The following ADGRE1 variants were observed in gnomAD, a reference collection of about 807,000 sequenced individuals.
The protein encoded by ADGRE1 is EGF-like module receptor 1.
In ADGRE1, 82 loss-of-function variants were observed where a neutral mutation model predicts 102.7. The ratio of observed to expected loss-of-function variants is 0.80; its 90% CI spans 0.67 to 0.96. The LOEUF (loss-of-function observed/expected upper bound fraction) is 0.96. ADGRE1 is among the 40% of genes least tolerant of loss of function. The probability of loss-of-function intolerance (pLI) is 0.00; values close to 1 mark genes in which losing one functional copy is unlikely to be tolerated. For synonymous variants in ADGRE1, 398 were observed against 399.6 expected (o/e 1.00, Z 0.05); for missense variants, 1,032 against 1,085.3 (o/e 0.95, Z 0.69).
chr19:6,892,698 A>G (rs1293869096), intron 2 of ADGRE1, among the ~76,000 whole-genome samples: 4 of 152,236 alleles, frequency 2.6e-5, no homozygotes, highest in Non-Finnish European at 4.4e-5. Flanking sequence ...TAGTCAAGAT[A>G]TGGAATCCAC....
intron 5 of ADGRE1, chr19:6,898,585 A>G (rs1973656878): frequency 2.7e-6 from 4 of 1,486,824 alleles, no homozygotes; most frequent in Non-Finnish European, 3.7e-6. Flanking sequence ...CTGCTTTGCA[A>G]ATATCAGTGA....
Position 6,940,385 on chromosome 19 carries a change from A to G in ADGRE1, c.*356A>G, listed in dbSNP as rs1003772316. 3.2e-6 allele frequency: 1 copy of G among 309,538 alleles called. No homozygotes were observed. Among genetic ancestry groups the G allele is most frequent in the Non-Finnish European group, 6.0e-6 (1 of 165,982 alleles). 19.2% of individuals were successfully genotyped at this position (309,538 alleles called of 1,614,324 possible). ...TTCTAAGCATGCCCCTCCAGAGCCTATCATACGCCTGATACAGAGAACCTC... is the reference window on the plus strand; with the variant it reads ...TTCTAAGCATGCCCCTCCAGAGCCTGTCATACGCCTGATACAGAGAACCTC... On this transcript the variant is annotated 3_prime_UTR_variant, in exon 21 of 21. Coordinates refer to ENST00000312053, the MANE Select transcript of ADGRE1 (RefSeq NM_001974.5).
intron 8 of ADGRE1, among the ~76,000 whole-genome samples, chr19:6,904,855 A>G (rs1330178892): frequency 6.6e-6 from 1 of 152,168 alleles, no homozygotes; most frequent in African/African-American, 2.4e-5. Context: ...TTATGCTCCA[A>G]GCAAACAACA....
intron 2 of ADGRE1, chr19:6,896,015 C>T (rs143112814): frequency 1.1e-3 from 179 of 162,070 alleles, no homozygotes; most frequent in African/African-American, 4.2e-3. Flanking sequence ...CTGTTCCATG[C>T]CTTTTTTTAA....
At position 6,921,784 on chromosome 19, in the gene ADGRE1, C is replaced by G; in HGVS notation, c.1692C>G (p.Ser564=). ...ATGTGAAGGGTGGAAGATGGACATC[C>G]TTTGGCTGTGTGATCCTGGAAGCTT... ...STDVKGGRWT[S]FGCVILEASE... The change falls in exon 14 of 21, where the codon TCC becomes TCG. Residue 564 remains serine, a synonymous_variant. Transcript: ENST00000312053. 1 of 1,614,068 alleles carries G rather than the reference C, an allele frequency of 6.2e-7. No individual in the cohort carries two copies. The highest frequency in any genetic ancestry group is 1.1e-5 in the South Asian group (1 of 91,086).
Position 6,919,560 on chromosome 19 carries a change from T to G in ADGRE1, c.1433T>G (p.Val478Gly). The G allele has an allele frequency of 6.2e-7, 1 of 1,612,420 alleles. No individual in the cohort carries two copies. Among genetic ancestry groups the G allele is most frequent in the Non-Finnish European group, 8.5e-7 (1 of 1,179,488 alleles). ...EESESTETTGVAFVSFVGMES... is the reference protein window; with the variant it reads ...EESESTETTGGAFVSFVGMES... Reference sequence around the variant, plus strand: ...GGGAAACCTGCAGAGACCACTGGTGTGGCTTTTGTCTCCTTTGTGGGCATG... The same window carrying G: ...GGGAAACCTGCAGAGACCACTGGTGGGGCTTTTGTCTCCTTTGTGGGCATG... Residue 478 changes from valine to glycine, a missense_variant, in exon 13 of 21, where the codon GTG becomes GGG. Coordinates refer to ENST00000312053, the MANE Select transcript of ADGRE1 (RefSeq NM_001974.5).
chr19:6,898,919 A>C (rs1266504236), intron 5 of ADGRE1, among the ~76,000 whole-genome samples: 1 of 152,020 alleles, frequency 6.6e-6, no homozygotes, highest in Non-Finnish European at 1.5e-5. Context: ...TTTTTACAAA[A>C]ATTTTTATCT....
intron 8 of ADGRE1, among the ~76,000 whole-genome samples, chr19:6,904,412 AT>A (rs1417403453): frequency 6.6e-6 from 1 of 152,082 alleles, no homozygotes; most frequent in African/African-American, 2.4e-5. Context: ...GGTCCTGAAT[AT>A]CATAGGCATG....
chr19:6,916,124 G>A (rs1974370476), intron 11 of ADGRE1, 125 bp from the exon 12 acceptor site: 3 of 1,054,636 alleles, frequency 2.8e-6, no homozygotes, highest in Non-Finnish European at 4.1e-6. Context: ...TTCCTATGAT[G>A]AATTGAACTT....
chr19:6,896,657 A>G (rs1973563157), intron 3 of ADGRE1, 116 bp downstream of exon 3: 1 of 1,236,042 alleles, frequency 8.1e-7, no homozygotes, highest in South Asian at 1.5e-5. Flanking sequence ...ATCTGGTTTA[A>G]CTATATATTT....
At chr19:6,904,540 T>C (rs1416005810) in intron 8 of ADGRE1, among the ~76,000 whole-genome samples, 1 of 151,654 alleles carries the variant, frequency 6.6e-6, no homozygotes, top group African/African-American at 2.4e-5. Context: ...TTTTTTTTTT[T>C]TTTCACCCAG....
At chr19:6,913,505 C>T (rs1384652324) in intron 10 of ADGRE1, 148 bp from the exon 11 acceptor site, 2 of 665,616 alleles carry the variant, frequency 3.0e-6, no homozygotes, top group Non-Finnish European at 4.6e-6. Context: ...GATGGGGCTT[C>T]TTGAATCAGA....
intron 5 of ADGRE1, among the ~76,000 whole-genome samples, chr19:6,901,300 T>G (rs1229557150): frequency 6.6e-6 from 1 of 152,206 alleles, no homozygotes; most frequent in Non-Finnish European, 1.5e-5. Context: ...CTGGGATGAT[T>G]CATTTCTCTC....
At chr19:6,934,236 G>A (rs1286783924) in intron 17 of ADGRE1, among the ~76,000 whole-genome samples, 3 of 152,080 alleles carry the variant, frequency 2.0e-5, no homozygotes, top group Non-Finnish European at 2.9e-5. Context: ...TATCCTGTGT[G>A]ATTGGTTAGG....
intron 17 of ADGRE1, among the ~76,000 whole-genome samples, chr19:6,933,574 A>G (rs1397554887): frequency 6.6e-6 from 1 of 151,940 alleles, no homozygotes; most frequent in Non-Finnish European, 1.5e-5. Flanking sequence ...TTTAGTGGAG[A>G]TGGGGTTTCT....
rs558446087 is a variant in ADGRE1 at position 6,898,518 on chromosome 19, G to A, written c.514+971G>A. 12 of 1,552,000 alleles carry A rather than the reference G, an allele frequency of 7.7e-6. No homozygotes were observed. The African/African-American group carries it at 1.6e-4, about 21-fold the overall frequency. ...TTGAGTGGATATCTATCAGTGGGGT[G>A]AGTTCATGTATTTCTGAACTGAGGC... On this transcript the variant is annotated intron_variant, in intron 5 of 20. Transcript: ENST00000312053.
intron 18 of ADGRE1, 27 bp downstream of exon 18, chr19:6,935,105 T>A: frequency 1.4e-6 from 2 of 1,457,246 alleles, no homozygotes; most frequent in South Asian, 2.5e-5. Flanking sequence ...CCTCCCCCCC[T>A]CTTTTAATTT....
chr19:6,920,598 A>C (rs1346303185), intron 13 of ADGRE1, among the ~76,000 whole-genome samples: 14 of 127,184 alleles, frequency 1.1e-4, no homozygotes, highest in Non-Finnish European at 1.7e-4. Flanking sequence ...ACCTTGGCTC[A>C]CTGCAACCCT....
intron 17 of ADGRE1, among the ~76,000 whole-genome samples, chr19:6,934,099 C>G (rs759152823): frequency 3.3e-5 from 5 of 152,046 alleles, no homozygotes; most frequent in Admixed American, 2.6e-4. Context: ...CGCGTTGGCT[C>G]AGACTCAAAG....
Sources: allele counts gnomAD v4.1 joint callset (sites outside exome capture counted in the v4.1 genomes callset), GRCh38; gene constraint gnomAD v4.1.1; transcripts MANE v1.5; gene names NCBI Gene and HGNC (gene_info 2026-07-23, HGNC 2026-07-21).